Variants in ARSF observed in about 807,000 individuals in gnomAD.
ARSF encodes the protein arylsulfatase F.
Under a neutral mutation model 35.4 loss-of-function variants are expected in ARSF, and 33 were observed. The ratio of observed to expected loss-of-function variants is 0.93; its 90% CI spans 0.71 to 1.25. ARSF has a LOEUF of 1.25. Ranked by LOEUF, ARSF falls within the 50% of genes most tolerant of loss-of-function variation. The probability of loss-of-function intolerance (pLI) is 0.00; values close to 1 mark genes in which losing one functional copy is unlikely to be tolerated. For missense variants in ARSF, 501 were observed against 480.2 expected (o/e 1.04, Z -0.40); for synonymous variants, 222 against 193.1 (o/e 1.15, Z -1.24).
intron 6 of ARSF, among the ~76,000 whole-genome samples, chrX:3,085,956 G>A (rs1015597384): frequency 1.5e-4 from 17 of 110,715 alleles, no homozygotes; most frequent in African/African-American, 4.9e-4. Flanking sequence ...GGGTGGCGGA[G>A]GTTGCAGTGA....
intron 7 of ARSF, among the ~76,000 whole-genome samples, chrX:3,093,424 C>G (rs993582763): frequency 2.7e-5 from 3 of 111,205 alleles, no homozygotes; most frequent in Non-Finnish European, 5.7e-5. Flanking sequence ...TCCTTCTCCC[C>G]TTTTGGAGTC....
intron 1 of ARSF, among the ~76,000 whole-genome samples, chrX:3,042,480 T>G (rs2089959376): frequency 8.9e-6 from 1 of 111,776 alleles, no homozygotes; most frequent in Admixed American, 9.6e-5. Flanking sequence ...TAAGTTATTT[T>G]CATCTAATTC....
intron 10 of ARSF, 21 bp from the exon 11 acceptor site, chrX:3,112,153 A>G (rs1274216615): frequency 8.6e-7 from 1 of 1,168,811 alleles, no homozygotes; most frequent in Admixed American, 2.3e-5. Context: ...TCATTTGACG[A>G]GTCTCTCTTT....
chrX:3,076,137 T>C (rs898312786), intron 3 of ARSF, among the ~76,000 whole-genome samples: 1 of 106,808 alleles, frequency 9.4e-6, no homozygotes, highest in Non-Finnish European at 1.9e-5. Context: ...CTCTCTCTTG[T>C]CTTCTCTCTG....
intron 9 of ARSF, among the ~76,000 whole-genome samples, chrX:3,108,454 C>T (rs917105882): frequency 3.6e-5 from 4 of 111,638 alleles, no homozygotes; most frequent in African/African-American, 1.3e-4. Flanking sequence ...CCATTTATTT[C>T]TCTTATTTGG....
Position 3,077,464 on chromosome X carries a change from G to T in ARSF, c.283+795G>T, listed in dbSNP as rs980698827. Among the ~76,000 whole-genome samples, 98 of 110,880 alleles carry T rather than the reference G, an allele frequency of 8.8e-4. 1 individual carries two copies. The highest frequency in any genetic ancestry group is 1.5e-3 in the Admixed American group (16 of 10,380). On this transcript the variant is annotated intron_variant, in intron 4 of 10. Transcript: ENST00000381127. ...GCCCAGCCTGGCCAACACGGTGAAA[G>T]CTCATCTCTACTAAAAATACAAAAA... is the stretch of plus-strand genomic sequence containing the variant.
intron 2 of ARSF, among the ~76,000 whole-genome samples, chrX:3,069,693 C>T (rs1325914783): frequency 9.2e-6 from 1 of 108,305 alleles, no homozygotes; most frequent in Non-Finnish European, 1.9e-5. Flanking sequence ...TTTATTTTTT[C>T]TTTCTTTTTA....
At chrX:3,052,956 C>T (rs1180062729) in intron 1 of ARSF, among the ~76,000 whole-genome samples, 2 of 111,195 alleles carry the variant, frequency 1.8e-5, no homozygotes, top group Admixed American at 9.7e-5. Context: ...CTGAGAAAGA[C>T]TGGGTGAGGT....
chrX:3,112,632 A>G lies in ARSF; in HGVS notation c.*76A>G, dbSNP rs1402906495. On this transcript the variant is annotated 3_prime_UTR_variant, in exon 11 of 11. Transcript: ENST00000381127. ...TTACAATCAGGCTACCAAAGGAAGC[A>G]CTAACTTTGGTGCTTTCAAGTTGGC... 8.6e-6 allele frequency: 9 copies of G among 1,047,558 alleles called. No individual in the cohort carries two copies. Among genetic ancestry groups the G allele is most frequent in the Non-Finnish European group, 1.1e-5 (9 of 797,886 alleles). The allele number at this position is 1,047,558 out of a possible 1,213,427, so 86.3% of individuals were successfully genotyped here.
intron 9 of ARSF, among the ~76,000 whole-genome samples, chrX:3,104,926 G>A (rs2090402947): frequency 8.9e-6 from 1 of 111,770 alleles, no homozygotes; most frequent in Admixed American, 9.5e-5. Context: ...AGATATTTGA[G>A]GATGCTTTGA....
chrX:3,103,014 TCTC>T lies in ARSF; in HGVS notation c.1103-745_1103-743del, dbSNP rs752408165. On this transcript the variant is annotated intron_variant, in intron 8 of 10. Coordinates refer to ENST00000381127, the MANE Select transcript of ARSF (RefSeq NM_001201539.2). ...CAATTAACACAGGACAGTGGCCACT[TCTC>T]CTAATTTCCCCCTGGAAATCCTGGT... 5.4e-5 allele frequency among the ~76,000 whole-genome samples: 6 copies of T among 112,060 alleles called. No homozygotes were observed. In the South Asian group the frequency reaches 1.9e-3, roughly 35 times the overall value.
intron 7 of ARSF, among the ~76,000 whole-genome samples, chrX:3,098,891 G>A (rs1235974663): frequency 9.1e-6 from 1 of 109,584 alleles, no homozygotes; most frequent in Non-Finnish European, 1.9e-5. Flanking sequence ...TATTAGCTTT[G>A]TTGTTTTTTC....
At chrX:3,045,649 G>T (rs187300925) in intron 1 of ARSF, among the ~76,000 whole-genome samples, 1 of 105,984 alleles carries the variant, frequency 9.4e-6, no homozygotes, top group South Asian at 4.4e-4. Flanking sequence ...TCCACCTCCC[G>T]GGTTCAAGTG....
chrX:3,044,444 T>C (rs149758228), intron 1 of ARSF, among the ~76,000 whole-genome samples: 2,248 of 111,376 alleles, frequency 0.02, 28 homozygotes, highest in Middle Eastern at 0.056. Context: ...GCCTTCTGCA[T>C]CTGTCCTTTT....
Position 3,081,006 on chromosome X carries a change from G to C in ARSF, c.399G>C (p.Gly133=), listed in dbSNP as rs201567455. The change falls in exon 5 of 11, where the codon GGG becomes GGC. Residue 133 remains glycine, a synonymous_variant. Coordinates refer to ENST00000381127, the MANE Select transcript of ARSF (RefSeq NM_001201539.2). The part of the protein sequence containing the change: ...ALLKKQGYST[G]LIGKWHQGLN... Reference sequence around the variant, plus strand: ...TAAAGAAGCAAGGATACAGCACGGGGCTTATAGGTAAGACACAAGAATTGG... The same window carrying C: ...TAAAGAAGCAAGGATACAGCACGGGCCTTATAGGTAAGACACAAGAATTGG... The C allele has an allele frequency of 9.1e-6, 11 of 1,208,659 alleles. No homozygotes were observed. Among genetic ancestry groups the C allele is most frequent in the African/African-American group, 3.5e-5 (2 of 57,197 alleles).
chrX:3,073,573 A>T (rs945152473), intron 3 of ARSF, among the ~76,000 whole-genome samples: 2 of 96,584 alleles, frequency 2.1e-5, no homozygotes, highest in Non-Finnish European at 4.2e-5. Flanking sequence ...ATATTTAATT[A>T]TACATATATA....
Position 3,101,143 on chromosome X carries a change from T to C in ARSF, c.1024T>C (p.Phe342Leu). Reference protein sequence around the residue: ...FGLRNNTLVYFTSDHGGHLEA... With the variant: ...FGLRNNTLVYLTSDHGGHLEA... ...CCTAAGGAACAACACCCTTGTCTAC[T>C]TTACATCAGATCACGGAGGGCATTT... The change falls in exon 8 of 11, where the codon TTT (phenylalanine) becomes CTT (leucine). Residue 342 changes from phenylalanine to leucine, a missense_variant. Coordinates refer to ENST00000381127, the MANE Select transcript of ARSF (RefSeq NM_001201539.2). 8.3e-7 allele frequency: 1 copy of C among 1,211,212 alleles called. No individual in the cohort carries two copies. Among genetic ancestry groups the C allele is most frequent in the Non-Finnish European group, 1.1e-6 (1 of 895,092 alleles).
chrX:3,100,661 G>C (rs908166208), intron 7 of ARSF, among the ~76,000 whole-genome samples: 1 of 111,229 alleles, frequency 9.0e-6, no homozygotes, highest in Non-Finnish European at 1.9e-5. Flanking sequence ...GCAGTGGCAC[G>C]ATCTGAGCTC....
intron 10 of ARSF, among the ~76,000 whole-genome samples, chrX:3,111,077 CG>C (rs1320169419): frequency 1.8e-5 from 2 of 109,615 alleles, no homozygotes; most frequent in Admixed American, 9.7e-5. Flanking sequence ...CTTGAGAAGA[CG>C]GAAGAAGACA....
Sources: gnomAD v4.1 joint callset for allele counts (sites outside exome capture counted in the v4.1 genomes callset) on GRCh38, gnomAD v4.1.1 for gene constraint, MANE v1.5 for transcripts, NCBI Gene and HGNC (gene_info 2026-07-23, HGNC 2026-07-21) for gene names.